Variants in CLIC4 observed in about 807,000 individuals in gnomAD.
CLIC4 encodes chloride intracellular channel protein 4.
CLIC4 carries 13 observed loss-of-function variants against 24.6 expected under a neutral mutation model. The observed-to-expected ratio is 0.53, with a 90% CI of 0.34 to 0.84. CLIC4 has a LOEUF of 0.84. CLIC4 is among the 40% of genes least tolerant of loss of function. The pLI is 0.01. For missense variants in CLIC4, 227 were observed against 301.7 expected, an observed-to-expected ratio of 0.75 and a Z score of 1.83; for synonymous variants, 104 against 111.3, an observed-to-expected ratio of 0.93 and a Z score of 0.41.
chr1:24,751,816 AT>A (rs1317999132), intron 1 of CLIC4, among the ~76,000 whole-genome samples: 1 of 152,222 alleles, frequency 6.6e-6, no homozygotes, highest in Admixed American at 6.5e-5. Flanking sequence ...GTGAGCCGAG[AT>A]TGTGCCATTG....
intron 1 of CLIC4, among the ~76,000 whole-genome samples, chr1:24,751,643 T>C (rs1314878604): frequency 6.6e-6 from 1 of 152,038 alleles, no homozygotes; most frequent in Non-Finnish European, 1.5e-5. Flanking sequence ...CAAATGAGAG[T>C]AATAGAGATG....
In CLIC4 at chr1:24,797,746, G is replaced by C. The variant is rs779758460; in HGVS notation, c.77G>C (p.Gly26Ala). The change falls in exon 2 of 6, where the codon GGC becomes GCC. Residue 26 changes from glycine to alanine, a missense_variant. Coordinates refer to ENST00000374379, the MANE Select transcript of CLIC4 (RefSeq NM_013943.3). ...EPLIELFVKA[G>A]SDGESIGNCP... is the part of the protein sequence containing the mutation. Reference sequence around the variant, plus strand: ...ATGTTTAATTCTGTTTTCCAGGCTGGCAGTGATGGTGAAAGCATAGGAAAC... The same window carrying C: ...ATGTTTAATTCTGTTTTCCAGGCTGCCAGTGATGGTGAAAGCATAGGAAAC... 6.2e-7 allele frequency: 1 copy of C among 1,606,816 alleles called. No individual in the cohort carries two copies. Among genetic ancestry groups the C allele is most frequent in the Admixed American group, 1.7e-5 (1 of 58,324 alleles).
At chr1:24,766,405 T>C (rs943614736) in intron 1 of CLIC4, among the ~76,000 whole-genome samples, 7 of 149,472 alleles carry the variant, frequency 4.7e-5, no homozygotes, top group African/African-American at 1.7e-4. Flanking sequence ...GTGCTAGGAA[T>C]ATAGGCATGA....
intron 2 of CLIC4, among the ~76,000 whole-genome samples, chr1:24,810,354 A>G (rs1432702278): frequency 1.3e-5 from 2 of 152,166 alleles, no homozygotes; most frequent in Non-Finnish European, 2.9e-5. Flanking sequence ...TAAAAATACC[A>G]TTCAGCTGAA....
intron 1 of CLIC4, 37 bp from the exon 2 acceptor site, chr1:24,797,705 T>C: frequency 6.8e-7 from 1 of 1,460,410 alleles, no homozygotes; most frequent in Non-Finnish European, 9.5e-7. Flanking sequence ...GTATCATCAC[T>C]TTGACCTTGT....
At chr1:24,798,133 C>G (rs1051678983) in intron 2 of CLIC4, among the ~76,000 whole-genome samples, 2 of 152,164 alleles carry the variant, frequency 1.3e-5, no homozygotes, top group Non-Finnish European at 2.9e-5. Context: ...AAATCCTTGA[C>G]TTCTTTTTTC....
At chr1:24,810,873 C>CA (rs1362376725) in intron 2 of CLIC4, among the ~76,000 whole-genome samples, 1 of 151,684 alleles carries the variant, frequency 6.6e-6, no homozygotes, top group Non-Finnish European at 1.5e-5. Context: ...ATCATGAGGT[C>CA]AGGAGACCAT....
chr1:24,767,198 TC>T (rs1639012534), intron 1 of CLIC4, among the ~76,000 whole-genome samples: 1 of 152,194 alleles, frequency 6.6e-6, no homozygotes, highest in Admixed American at 6.5e-5. Flanking sequence ...GAGTGTGGAC[TC>T]CCGAGCCATG....
intron 1 of CLIC4, among the ~76,000 whole-genome samples, chr1:24,757,491 G>C (rs1259357837): frequency 1.3e-5 from 2 of 152,128 alleles, no homozygotes; most frequent in Non-Finnish European, 2.9e-5. Flanking sequence ...TGTAACCCCA[G>C]CACTTTGGGA....
chr1:24,825,327 C>T (rs111491847), intron 3 of CLIC4, among the ~76,000 whole-genome samples: 6 of 152,230 alleles, frequency 3.9e-5, no homozygotes, highest in Middle Eastern at 3.4e-3. Context: ...CAATGATGGT[C>T]CTGTATCACA....
At position 24,841,794 on chromosome 1, in the gene CLIC4, A is replaced by G. The variant is rs1363674626; in HGVS notation, c.*857A>G. 1 of 152,636 alleles carries G rather than the reference A, an allele frequency of 6.6e-6. No homozygotes were observed. Among genetic ancestry groups the G allele is most frequent in the Non-Finnish European group, 1.5e-5 (1 of 68,026 alleles). 9.5% of individuals were successfully genotyped at this position (152,636 alleles called of 1,614,324 possible). A position where few individuals can be genotyped will look rare whatever the true frequency, so the allele number is the denominator to read the frequency against. ...TTAAAAAGCTTGTTTTTACGTAATC[A>G]TAGAGCTTGCTATTTGTACATCTGT... is the stretch of plus-strand genomic sequence containing the variant. On this transcript the variant is annotated 3_prime_UTR_variant, in exon 6 of 6. Coordinates refer to ENST00000374379, the MANE Select transcript of CLIC4 (RefSeq NM_013943.3).
At chr1:24,784,367 A>G (rs756335893) in intron 1 of CLIC4, among the ~76,000 whole-genome samples, 1 of 152,202 alleles carries the variant, frequency 6.6e-6, no homozygotes, top group Non-Finnish European at 1.5e-5. Flanking sequence ...GGTAGGAAGT[A>G]GTGGAGTTGT....
At chr1:24,755,312 G>A (rs1412118878) in intron 1 of CLIC4, among the ~76,000 whole-genome samples, 3 of 150,590 alleles carry the variant, frequency 2.0e-5, no homozygotes, top group East Asian at 2.0e-4. Context: ...GATGGTGCAC[G>A]CCTGTAATCC....
intron 1 of CLIC4, among the ~76,000 whole-genome samples, chr1:24,769,538 A>G (rs1639047053): frequency 6.6e-6 from 1 of 152,224 alleles, no homozygotes; most frequent in Non-Finnish European, 1.5e-5. Context: ...AACCTGAATC[A>G]ATAACTTTGT....
chr1:24,801,043 C>T (rs1639482593), intron 2 of CLIC4, among the ~76,000 whole-genome samples: 2 of 140,392 alleles, frequency 1.4e-5, no homozygotes. Flanking sequence ...CTGTGAGAAA[C>T]ACCCAAGAAT....
intron 1 of CLIC4, among the ~76,000 whole-genome samples, chr1:24,757,830 C>T (rs1638870993): frequency 6.6e-6 from 1 of 151,752 alleles, no homozygotes; most frequent in African/African-American, 2.4e-5. Context: ...TGCGCTGGTG[C>T]AATCACGGCT....
At chr1:24,756,695 A>G (rs973321787) in intron 1 of CLIC4, among the ~76,000 whole-genome samples, 9 of 152,178 alleles carry the variant, frequency 5.9e-5, no homozygotes, top group Admixed American at 5.2e-4. Flanking sequence ...TACAAAACCA[A>G]ACAATCAGAT....
At chr1:24,837,989 C>T (rs1040481478) in intron 4 of CLIC4, among the ~76,000 whole-genome samples, 2 of 152,150 alleles carry the variant, frequency 1.3e-5, no homozygotes, top group Non-Finnish European at 2.9e-5. Flanking sequence ...CAGCTCAGTG[C>T]GTGACACTTG....
intron 2 of CLIC4, among the ~76,000 whole-genome samples, chr1:24,805,086 C>CAAAAAAAAAAAA (rs757976140): frequency 2.6e-4 from 12 of 46,744 alleles, no homozygotes; most frequent in South Asian, 9.6e-4. Context: ...GACTCCATGT[C>CAAAAAAAAAAAA]AAAAAAAAAA....
Sources: gnomAD v4.1 joint callset for allele counts (sites outside exome capture counted in the v4.1 genomes callset) on GRCh38, gnomAD v4.1.1 for gene constraint, MANE v1.5 for transcripts, NCBI Gene and HGNC (gene_info 2026-07-23, HGNC 2026-07-21) for gene names.